The following UNC79 variants were observed in gnomAD, a reference collection of about 807,000 sequenced individuals.
UNC79 encodes protein unc-79 homolog.
In UNC79, 37 loss-of-function variants were observed where a neutral mutation model predicts 283.1. The observed-to-expected ratio is 0.13, with a 90% CI of 0.10 to 0.17. UNC79 has a LOEUF of 0.17. UNC79 is among the 10% of genes least tolerant of loss of function. The pLI is 1.00. For synonymous variants in UNC79, 1,107 were observed against 1,200.2 expected (o/e 0.92, Z 1.61); for missense variants, 2,272 against 3,211.1 (o/e 0.71, Z 7.07).
intron 7 of UNC79, among the ~76,000 whole-genome samples, chr14:93,507,533 G>A (rs1162685763): frequency 1.3e-5 from 2 of 152,122 alleles, no homozygotes; most frequent in Non-Finnish European, 2.9e-5. Context: ...ACCTGAGAAA[G>A]TCTTTTACCA....
At chr14:93,604,335 T>A (rs1436435418) in intron 26 of UNC79, among the ~76,000 whole-genome samples, 2 of 152,248 alleles carry the variant, frequency 1.3e-5, no homozygotes, top group Non-Finnish European at 2.9e-5. Flanking sequence ...CATAACCATT[T>A]ATAATCATAA....
chr14:93,601,990 T>A lies in UNC79; in HGVS notation c.3574+1220T>A, dbSNP rs151008228. Among the ~76,000 whole-genome samples the A allele has an allele frequency of 6.2e-3, 940 of 152,320 alleles. 4 individuals are homozygous for A. The highest frequency in any genetic ancestry group is 8.6e-3 in the Non-Finnish European group (584 of 68,022). On this transcript the variant is annotated intron_variant, in intron 25 of 48. Transcript: ENST00000555664. Reference sequence around the variant, plus strand: ...CTGATTTGTTTGAGTTCCTTATAGATTCTGGATATTGGTCCTCTGTCAGAT... The same window carrying A: ...CTGATTTGTTTGAGTTCCTTATAGAATCTGGATATTGGTCCTCTGTCAGAT...
chr14:93,518,793 G>T (rs1211177814), intron 7 of UNC79, among the ~76,000 whole-genome samples: 2 of 151,776 alleles, frequency 1.3e-5, no homozygotes, highest in African/African-American at 4.8e-5. Flanking sequence ...TTTCATTCAT[G>T]AATTGTTTAG....
chr14:93,635,346 A>G (rs575874194), intron 31 of UNC79, among the ~76,000 whole-genome samples: 3 of 152,194 alleles, frequency 2.0e-5, no homozygotes, highest in Non-Finnish European at 4.4e-5. Flanking sequence ...TAAATGGGTC[A>G]TTTGAGTTAC....
At chr14:93,429,132 T>C (rs1243874497), upstream of UNC79, among the ~76,000 whole-genome samples, 1 of 152,258 alleles carries the variant, frequency 6.6e-6, no homozygotes, top group East Asian at 1.9e-4. Context: ...GAATAACCCA[T>C]TGAGCTTTCT....
intron 31 of UNC79, 32 bp from the exon 35 acceptor site, chr14:93,637,184 A>G: frequency 1.0e-6 from 1 of 981,482 alleles, no homozygotes; most frequent in Non-Finnish European, 1.7e-6. Flanking sequence ...AGATGACCAC[A>G]TCAAAGACTG....
At chr14:93,445,552 A>G (rs1212948482) in intron 1 of UNC79, among the ~76,000 whole-genome samples, 2 of 152,212 alleles carry the variant, frequency 1.3e-5, no homozygotes, top group Non-Finnish European at 2.9e-5. Flanking sequence ...TTCATGAGAT[A>G]TACTGGTCTG....
chr14:93,367,369 A>G (rs1171178225), intron 1 of UNC79, among the ~76,000 whole-genome samples: 1 of 152,320 alleles, frequency 6.6e-6, no homozygotes, highest in East Asian at 1.9e-4. Context: ...TCGTGGTAAA[A>G]GTGGATGGTA....
At chr14:93,341,287 T>C (rs2139879533) in intron 1 of UNC79, among the ~76,000 whole-genome samples, 1 of 151,834 alleles carries the variant, frequency 6.6e-6, no homozygotes, top group East Asian at 1.9e-4. Flanking sequence ...AGAAACCCCG[T>C]CTCTACTAAA....
At chr14:93,418,993 G>A (rs1041323416) in intron 1 of UNC79, among the ~76,000 whole-genome samples, 1 of 151,750 alleles carries the variant, frequency 6.6e-6, no homozygotes, top group African/African-American at 2.4e-5. Flanking sequence ...GCAATGCATC[G>A]CCCTGTTTCG....
chr14:93,484,002 C>G (rs1048405402), intron 4 of UNC79, among the ~76,000 whole-genome samples: 2 of 152,228 alleles, frequency 1.3e-5, no homozygotes, highest in South Asian at 2.1e-4. Context: ...ACAAACATAC[C>G]TGTGCATGTG....
chr14:93,340,256 C>CG (rs1454062083), intron 1 of UNC79, among the ~76,000 whole-genome samples: 3 of 152,092 alleles, frequency 2.0e-5, no homozygotes. Context: ...TCCTGGCTAA[C>CG]GCGGTGAAAT....
intron 1 of UNC79, among the ~76,000 whole-genome samples, chr14:93,423,348 A>G (rs2140074770): frequency 6.6e-6 from 1 of 152,320 alleles, no homozygotes; most frequent in East Asian, 1.9e-4. Flanking sequence ...CTTCACAAAA[A>G]TAGAAAAAAG....
chr14:93,653,506 A>T (rs1221691825), intron 35 of UNC79, among the ~76,000 whole-genome samples: 1 of 151,570 alleles, frequency 6.6e-6, no homozygotes. Flanking sequence ...TCCTGAGTCC[A>T]TTGTGGGACC....
chr14:93,655,955 A>C (rs1429283917), intron 38 of UNC79, among the ~76,000 whole-genome samples: 1 of 152,226 alleles, frequency 6.6e-6, no homozygotes, highest in East Asian at 1.9e-4. Context: ...CAGTAAATGC[A>C]AATAAGAAGC....
intron 11 of UNC79, among the ~76,000 whole-genome samples, chr14:93,536,353 C>A (rs936051266): frequency 6.6e-6 from 1 of 152,112 alleles, no homozygotes; most frequent in African/African-American, 2.4e-5. Flanking sequence ...TAGTTAGGTG[C>A]GAGTCCTGCT....
chr14:93,704,219 G>T (rs1043719573), intron 47 of UNC79, among the ~76,000 whole-genome samples: 6 of 152,196 alleles, frequency 3.9e-5, no homozygotes, highest in African/African-American at 1.4e-4. Flanking sequence ...ACTGACCAGA[G>T]ATATTTTCTT....
chr14:93,577,213 C>A (rs2063524566), intron 17 of UNC79, among the ~76,000 whole-genome samples: 1 of 147,588 alleles, frequency 6.8e-6, no homozygotes, highest in Non-Finnish European at 1.5e-5. Flanking sequence ...AAAACAACAA[C>A]AAAATAATCC....
intron 7 of UNC79, among the ~76,000 whole-genome samples, chr14:93,512,138 T>TAG (rs2059854938): frequency 6.6e-6 from 1 of 152,236 alleles, no homozygotes; most frequent in African/African-American, 2.4e-5. Flanking sequence ...ATCTGGGCTC[T>TAG]AGTTACCTTT....
Sources: allele counts gnomAD v4.1 joint callset (sites outside exome capture counted in the v4.1 genomes callset), GRCh38; gene constraint gnomAD v4.1.1; transcripts MANE v1.5; gene names NCBI Gene and HGNC (gene_info 2026-07-23, HGNC 2026-07-21).